The following POU2F1 variants were observed in gnomAD, a reference collection of about 807,000 sequenced individuals.
The protein encoded by POU2F1 is POU class 2 homeobox 1, also known as POU domain, class 2, transcription factor 1.
Under a neutral mutation model 84.9 loss-of-function variants are expected in POU2F1, and 16 were observed. The ratio of observed to expected loss-of-function variants is 0.19; its 90% CI spans 0.13 to 0.29. The LOEUF (loss-of-function observed/expected upper bound fraction) is 0.29. Ranked by LOEUF, POU2F1 falls within the 10% of genes least tolerant of loss-of-function variation. The pLI is 1.00. For synonymous variants in POU2F1, 368 were observed against 368.3 expected (o/e 1.00, Z 0.01); for missense variants, 738 against 942.6 (o/e 0.78, Z 2.84).
rs923818301 is a variant in POU2F1 at position 167,354,577 on chromosome 1, T to C, written c.128-10890T>C. 7.9e-5 allele frequency among the ~76,000 whole-genome samples: 12 copies of C among 152,220 alleles called. 1 individual carries two copies. The East Asian group carries it at 2.3e-3, about 29-fold the overall frequency. ...GAAGTGCTGGGATTACAGGTGTGAG[T>C]ACCCAGAGTATTTTCTTAATAGTGT... is the stretch of plus-strand genomic sequence containing the variant. On this transcript the variant is annotated intron_variant, in intron 2 of 15. Transcript: ENST00000367866.
rs181584164 is a variant in POU2F1, at chr1:167,232,766, C to A, written c.61+11808C>A. On this transcript the variant is annotated intron_variant, in intron 1 of 15. Coordinates refer to ENST00000367866, the MANE Select transcript of POU2F1 (RefSeq NM_002697.4). ...GCTGAGGCAGGAGAATCACTTGAACCCGTGAAGTGGAGGTTGCAGTGAGCT... is the reference window on the plus strand; with the variant it reads ...GCTGAGGCAGGAGAATCACTTGAACACGTGAAGTGGAGGTTGCAGTGAGCT... 4.2e-4 allele frequency among the ~76,000 whole-genome samples: 64 copies of A among 152,044 alleles called. No individual in the cohort carries two copies. The East Asian group carries it at 0.011, about 27-fold the overall frequency.
chr1:167,342,821 A>G (rs369519100), intron 2 of POU2F1, among the ~76,000 whole-genome samples: 258 of 152,328 alleles, frequency 1.7e-3, no homozygotes, highest in African/African-American at 6.0e-3. Flanking sequence ...TTTATTGTGT[A>G]GACTACATTC....
intron 1 of POU2F1, among the ~76,000 whole-genome samples, chr1:167,280,189 G>C (rs1284673384): frequency 1.5e-4 from 4 of 26,238 alleles, no homozygotes; most frequent in African/African-American, 1.9e-4. Flanking sequence ...CTCTGTCTCG[G>C]GGAAAAAAAA....
chr1:167,260,546 G>A (rs1487805638), intron 1 of POU2F1, among the ~76,000 whole-genome samples: 2 of 152,146 alleles, frequency 1.3e-5, no homozygotes, highest in East Asian at 3.9e-4. Context: ...GGTATGAGAT[G>A]AGGATCTAAT....
At chr1:167,372,134 C>T in intron 5 of POU2F1, 98 bp downstream of exon 5, 1 of 1,431,528 alleles carries the variant, frequency 7.0e-7, no homozygotes, top group Non-Finnish European at 9.5e-7. Flanking sequence ...CTGGTAGTAA[C>T]ATGGCTATGC....
intron 2 of POU2F1, among the ~76,000 whole-genome samples, chr1:167,347,872 CT>C (rs1222673774): frequency 5.3e-5 from 8 of 152,064 alleles, no homozygotes; most frequent in Non-Finnish European, 1.2e-4. Context: ...GTACTCATTC[CT>C]TTTATGGCTG....
intron 1 of POU2F1, among the ~76,000 whole-genome samples, chr1:167,252,701 C>T (rs1027486729): frequency 6.6e-6 from 1 of 152,210 alleles, no homozygotes; most frequent in Non-Finnish European, 1.5e-5. Flanking sequence ...ATGTTCATAA[C>T]TGTCCTACAG....
At chr1:167,370,237 G>C in intron 4 of POU2F1, 23 bp downstream of exon 4, 1 of 1,561,952 alleles carries the variant, frequency 6.4e-7, no homozygotes. Flanking sequence ...CTGGGATTAT[G>C]GGTCAATCTT....
chr1:167,374,796 G>A (rs1807315), intron 6 of POU2F1, among the ~76,000 whole-genome samples: 3,787 of 152,230 alleles, frequency 0.025, 148 homozygotes, highest in African/African-American at 0.083. Flanking sequence ...CGCCAGGCGC[G>A]GTGGCTCACG....
intron 1 of POU2F1, 31 bp from the exon 2 acceptor site, chr1:167,332,439 A>T: frequency 6.4e-7 from 1 of 1,572,994 alleles, no homozygotes; most frequent in Non-Finnish European, 8.7e-7. Context: ...CCAGTTTTTT[A>T]AAAACCTTAT....
intron 1 of POU2F1, among the ~76,000 whole-genome samples, chr1:167,278,283 A>G (rs988920549): frequency 6.6e-6 from 1 of 152,186 alleles, no homozygotes; most frequent in Non-Finnish European, 1.5e-5. Flanking sequence ...TTATTGATAT[A>G]TGGTCTTGTA....
chr1:167,303,111 G>A (rs1190265306), intron 1 of POU2F1, among the ~76,000 whole-genome samples: 1 of 151,854 alleles, frequency 6.6e-6, no homozygotes, highest in Non-Finnish European at 1.5e-5. Flanking sequence ...TTGTATATTA[G>A]GGGGAGGTTA....
At chr1:167,258,634 GA>G (rs1651322834) in intron 1 of POU2F1, among the ~76,000 whole-genome samples, 1 of 152,134 alleles carries the variant, frequency 6.6e-6, no homozygotes, top group African/African-American at 2.4e-5. Context: ...TCTTTTCTTT[GA>G]AGGGTCAGAT....
At chr1:167,391,727 C>T (rs943515979) in intron 9 of POU2F1, among the ~76,000 whole-genome samples, 6 of 151,346 alleles carry the variant, frequency 4.0e-5, no homozygotes, top group Non-Finnish European at 8.9e-5. Context: ...CCACCACACC[C>T]GGCTAATTTT....
Position 167,421,664 on chromosome 1 carries a change from T to A in POU2F1, c.*5854T>A, listed in dbSNP as rs185285580. ...CCTTCTTTTTCTCATTGAATGGTGG[T>A]ACCTTAATTTGGGTAACAGCTAGCT... On this transcript the variant is annotated 3_prime_UTR_variant, in exon 16 of 16. Coordinates refer to ENST00000367866, the MANE Select transcript of POU2F1 (RefSeq NM_002697.4). The A allele has an allele frequency of 6.6e-6, 1 of 152,332 alleles. No homozygotes were observed. The highest frequency in any genetic ancestry group is 2.4e-5 in the African/African-American group (1 of 41,578). The allele number at this position is 152,332 out of a possible 1,614,324, so 9.4% of individuals were successfully genotyped here.
Position 167,294,328 on chromosome 1 carries a change from G to A in POU2F1, c.62-38142G>A, listed in dbSNP as rs537668594. Among the ~76,000 whole-genome samples the A allele has an allele frequency of 9.2e-5, 14 of 151,994 alleles. No individual in the cohort carries two copies. In the East Asian group the frequency reaches 1.4e-3, roughly 15 times the overall value. ...CATGCCACTGCACTCCAGCCTGGGC[G>A]ACAGAGTGAGACTCCATCTAAAAAA... On this transcript the variant is annotated intron_variant, in intron 1 of 15. Transcript: ENST00000367866.
chr1:167,355,816 G>T (rs1658897722), intron 2 of POU2F1, among the ~76,000 whole-genome samples: 2 of 151,930 alleles, frequency 1.3e-5, no homozygotes, highest in Admixed American at 6.6e-5. Flanking sequence ...TTTAAATAAA[G>T]TTTTATAATT....
At chr1:167,368,570 C>G (rs1571383346) in intron 3 of POU2F1, among the ~76,000 whole-genome samples, 2 of 152,152 alleles carry the variant, frequency 1.3e-5, no homozygotes, top group Middle Eastern at 6.8e-3. Flanking sequence ...AAATTTTTAT[C>G]TTCTTCAAAT....
chr1:167,320,257 C>G (rs1240772125), intron 1 of POU2F1, among the ~76,000 whole-genome samples: 2 of 152,190 alleles, frequency 1.3e-5, no homozygotes, highest in Non-Finnish European at 2.9e-5. Flanking sequence ...TCAATTACAG[C>G]TACAAGTTTT....
Sources: gnomAD v4.1 joint callset for allele counts (sites outside exome capture counted in the v4.1 genomes callset) on GRCh38, gnomAD v4.1.1 for gene constraint, MANE v1.5 for transcripts, NCBI Gene and HGNC (gene_info 2026-07-23, HGNC 2026-07-21) for gene names.